Variants in SLC30A8 observed in about 807,000 individuals in gnomAD.
SLC30A8 encodes the protein solute carrier family 30 member 8, also known as proton-coupled zinc antiporter SLC30A8.
SLC30A8 carries 27 observed loss-of-function variants against 36.9 expected under a neutral mutation model. The ratio of observed to expected loss-of-function variants is 0.73; its 90% CI spans 0.54 to 1.01. The LOEUF is 1.01. SLC30A8 is among the 50% of genes least tolerant of loss of function. The probability of loss-of-function intolerance (pLI) is 0.00; values close to 1 mark genes in which losing one functional copy is unlikely to be tolerated. For missense variants in SLC30A8, 439 were observed against 452.0 expected (o/e 0.97, Z 0.26); for synonymous variants, 164 against 172.4 (o/e 0.95, Z 0.38).
At chr8:116,977,477 G>A (rs1815086986) in intron 1 of SLC30A8, among the ~76,000 whole-genome samples, 1 of 146,176 alleles carries the variant, frequency 6.8e-6, no homozygotes, top group Admixed American at 6.8e-5. Context: ...CTAAATGGGA[G>A]TTTATTGTAG....
At chr8:117,103,942 C>A (rs1380037268) in intron 2 of SLC30A8, among the ~76,000 whole-genome samples, 1 of 152,144 alleles carries the variant, frequency 6.6e-6, no homozygotes, top group Admixed American at 6.6e-5. Context: ...CTGTGAACAT[C>A]ATGTATAACA....
At chr8:117,102,326 A>C (rs1819760858) in intron 2 of SLC30A8, among the ~76,000 whole-genome samples, 1 of 152,192 alleles carries the variant, frequency 6.6e-6, no homozygotes, top group African/African-American at 2.4e-5. Context: ...AATTAAATGA[A>C]TGAGTTGCCT....
At chr8:117,164,386 A>G (rs1237256368) in intron 6 of SLC30A8, 1 of 151,512 alleles carries the variant, frequency 6.6e-6, no homozygotes, top group African/African-American at 2.4e-5. Flanking sequence ...AACCTGGGCA[A>G]CATGGCAAAA....
intron 1 of SLC30A8, among the ~76,000 whole-genome samples, chr8:117,036,550 T>C (rs1817218335): frequency 6.6e-6 from 1 of 152,124 alleles, no homozygotes; most frequent in South Asian, 2.1e-4. Flanking sequence ...AGGTCTTACA[T>C]GGCTGGGAAA....
intron 2 of SLC30A8, among the ~76,000 whole-genome samples, chr8:117,090,359 A>G (rs1489092327): frequency 6.7e-6 from 1 of 148,308 alleles, no homozygotes. Flanking sequence ...CTAAATATTT[A>G]TTAAGGAGCC....
At chr8:117,132,976 A>G, upstream of SLC30A8, among the ~76,000 whole-genome samples, 1 of 152,008 alleles carries the variant, frequency 6.6e-6, no homozygotes, top group East Asian at 1.9e-4. Context: ...CATCTTCAAG[A>G]GTAACTTTTG....
chr8:117,011,266 C>G (rs1490198510), intron 1 of SLC30A8, among the ~76,000 whole-genome samples: 1 of 152,188 alleles, frequency 6.6e-6, no homozygotes, highest in Non-Finnish European at 1.5e-5. Flanking sequence ...AACCAACTCT[C>G]TTTTTGACCA....
intron 1 of SLC30A8, among the ~76,000 whole-genome samples, chr8:117,006,327 G>C (rs867131599): frequency 2.0e-5 from 3 of 152,180 alleles, no homozygotes; most frequent in Admixed American, 2.0e-4. Flanking sequence ...GTCTATTTCA[G>C]TGTGATCCTA....
At chr8:116,967,878 A>G (rs1814652231) in intron 1 of SLC30A8, among the ~76,000 whole-genome samples, 1 of 152,210 alleles carries the variant, frequency 6.6e-6, no homozygotes, top group Admixed American at 6.5e-5. Flanking sequence ...TCTGTAGGCA[A>G]TATGAATCGT....
chr8:117,149,954 G>A (rs540557915), intron 2 of SLC30A8, among the ~76,000 whole-genome samples: 2 of 152,242 alleles, frequency 1.3e-5, no homozygotes, highest in East Asian at 1.9e-4. Flanking sequence ...ATGTAGACAC[G>A]CCAGTGAACC....
At chr8:117,153,661 C>T (rs1822309405) in intron 3 of SLC30A8, among the ~76,000 whole-genome samples, 2 of 150,168 alleles carry the variant, frequency 1.3e-5, no homozygotes, top group South Asian at 4.2e-4. Flanking sequence ...CTTTCTTGCG[C>T]TGGTTCCTTC....
intron 1 of SLC30A8, among the ~76,000 whole-genome samples, chr8:116,968,405 G>C (rs962052938): frequency 6.6e-6 from 1 of 150,584 alleles, no homozygotes; most frequent in East Asian, 1.9e-4. Flanking sequence ...ATAAGCTATA[G>C]TATAGCTTAT....
intron 1 of SLC30A8, among the ~76,000 whole-genome samples, chr8:116,975,574 G>A (rs951262394): frequency 5.3e-5 from 8 of 152,218 alleles, no homozygotes; most frequent in African/African-American, 1.9e-4. Flanking sequence ...CTGCAATGAC[G>A]TAGAGGACAG....
chr8:117,113,857 C>A (rs969891569), intron 2 of SLC30A8, among the ~76,000 whole-genome samples: 6 of 152,080 alleles, frequency 3.9e-5, no homozygotes, highest in African/African-American at 1.4e-4. Flanking sequence ...AATTGTAATT[C>A]ATGATACAAT....
intron 1 of SLC30A8, chr8:117,018,016 A>C (rs1816574069): frequency 6.6e-6 from 1 of 152,290 alleles, no homozygotes; most frequent in Non-Finnish European, 1.5e-5. Flanking sequence ...GGATCTTTCC[A>C]GTCCAGGCAT....
rs114989056 is a variant in SLC30A8 at position 117,101,811 on chromosome 8, G to A, written c.-225-33469G>A. On this transcript the variant is annotated intron_variant, in intron 2 of 10. Transcript: ENST00000427715. ...TGGATGCTTCCTACCCTTGAATATC[G>A]GACTTCAAGTTCTTCAGCTTTGGGA... 3.1e-3 allele frequency among the ~76,000 whole-genome samples: 465 copies of A among 152,176 alleles called. 1 individual carries two copies. The highest frequency in any genetic ancestry group is 0.01 in the African/African-American group (426 of 41,522).
chr8:117,114,123 G>A (rs896843121), intron 2 of SLC30A8, among the ~76,000 whole-genome samples: 3 of 152,142 alleles, frequency 2.0e-5, no homozygotes, highest in African/African-American at 4.8e-5. Flanking sequence ...TCAAGTTGGA[G>A]AATTCAGACA....
At chr8:117,055,459 C>T (rs570678427) in intron 2 of SLC30A8, among the ~76,000 whole-genome samples, 1 of 152,302 alleles carries the variant, frequency 6.6e-6, no homozygotes, top group East Asian at 1.9e-4. Flanking sequence ...CATGACTTCA[C>T]GTATCAACAA....
At chr8:117,154,623 G>C (rs1187403343) in intron 3 of SLC30A8, among the ~76,000 whole-genome samples, 5 of 152,220 alleles carry the variant, frequency 3.3e-5, no homozygotes, top group African/African-American at 9.6e-5. Context: ...GCAGTAAAGA[G>C]AGTTTGTGAC....
Sources: allele counts gnomAD v4.1 joint callset (sites outside exome capture counted in the v4.1 genomes callset), GRCh38; gene constraint gnomAD v4.1.1; transcripts MANE v1.5; gene names NCBI Gene and HGNC (gene_info 2026-07-23, HGNC 2026-07-21).